Variants in NEXMIF observed in about 807,000 individuals in gnomAD.
NEXMIF encodes the protein XLMR protein related to neurite extension.
Under a neutral mutation model 62.1 loss-of-function variants are expected in NEXMIF, and 8 were observed. The observed-to-expected ratio is 0.13, with a 90% CI of 0.08 to 0.23. The LOEUF (loss-of-function observed/expected upper bound fraction) is 0.23. NEXMIF is among the 10% of genes least tolerant of loss of function. The pLI is 1.00. For missense variants in NEXMIF, 976 were observed against 1,113.3 expected, an observed-to-expected ratio of 0.88 and a Z score of 1.75; for synonymous variants, 404 against 416.6, an observed-to-expected ratio of 0.97 and a Z score of 0.37.
At chrX:74,793,399 G>T (rs2080292964) in intron 1 of NEXMIF, among the ~76,000 whole-genome samples, 1 of 108,151 alleles carries the variant, frequency 9.2e-6, no homozygotes, top group African/African-American at 3.4e-5. Context: ...CTCTCTGGCT[G>T]CCCTTAACAT....
chrX:74,882,853 G>C (rs2080671880), intron 1 of NEXMIF, among the ~76,000 whole-genome samples: 1 of 112,448 alleles, frequency 8.9e-6, no homozygotes, highest in Non-Finnish European at 1.9e-5. Flanking sequence ...GCCTCCTCAA[G>C]TGGGTCCCTG....
At chrX:74,873,137 C>T (rs974979626) in intron 1 of NEXMIF, among the ~76,000 whole-genome samples, 5 of 110,243 alleles carry the variant, frequency 4.5e-5, no homozygotes, top group African/African-American at 1.7e-4. Flanking sequence ...CTATCCCTCC[C>T]CCATCCCCCA....
At chrX:74,823,045 A>G (rs1431417986) in intron 1 of NEXMIF, among the ~76,000 whole-genome samples, 4 of 112,237 alleles carry the variant, frequency 3.6e-5, no homozygotes, top group African/African-American at 9.7e-5. Context: ...TACACACTAT[A>G]ACATAGGTGA....
rs189899110 is a variant in NEXMIF at position 74,860,890 on chromosome X, G to C, written c.-48+63993C>G. ...AAAATTAGTAGAAGAAAAGAAATAA[G>C]AAAGATCAGAGCAGAAACAAATGAA... On this transcript the variant is annotated intron_variant, in intron 1 of 3. Coordinates refer to ENST00000055682, the MANE Select transcript of NEXMIF (RefSeq NM_001008537.3). Among the ~76,000 whole-genome samples the C allele has an allele frequency of 3.5e-3, 387 of 111,032 alleles. 2 individuals carry two copies. Among genetic ancestry groups the C allele is most frequent in the African/African-American group, 0.012 (369 of 30,746 alleles).
At chrX:74,826,498 T>C (rs550143585) in intron 1 of NEXMIF, among the ~76,000 whole-genome samples, 3 of 112,290 alleles carry the variant, frequency 2.7e-5, no homozygotes, top group African/African-American at 9.7e-5. Context: ...GAGTTCCTTA[T>C]ATATTTTGGA....
At chrX:74,761,449 G>T (rs150559855) in intron 1 of NEXMIF, among the ~76,000 whole-genome samples, 1,781 of 110,822 alleles carry the variant, frequency 0.016, 19 homozygotes, top group Non-Finnish European at 0.024. Context: ...TTCAGTCTTG[G>T]GAGAATGTAT....
chrX:74,856,657 T>C (rs2080536124), intron 1 of NEXMIF, among the ~76,000 whole-genome samples: 1 of 111,022 alleles, frequency 9.0e-6, no homozygotes, highest in Admixed American at 9.6e-5. Flanking sequence ...ACACCAAAAC[T>C]GACAACTATC....
intron 1 of NEXMIF, among the ~76,000 whole-genome samples, chrX:74,875,509 A>G (rs2080627270): frequency 8.9e-6 from 1 of 112,102 alleles, no homozygotes; most frequent in African/African-American, 3.2e-5. Flanking sequence ...CTGGCCTCAT[A>G]AAATGAGTTA....
At chrX:74,856,180 C>CTAAAGTAGGAAAACAA (rs1278221728) in intron 1 of NEXMIF, among the ~76,000 whole-genome samples, 1 of 111,626 alleles carries the variant, frequency 9.0e-6, no homozygotes, top group Admixed American at 9.5e-5. Flanking sequence ...GTCTAAAGAA[C>CTAAAGTAGGAAAACAA]TAAAGTAGGA....
chrX:74,820,333 A>T (rs1383418339), intron 1 of NEXMIF, among the ~76,000 whole-genome samples: 1 of 108,227 alleles, frequency 9.2e-6, no homozygotes, highest in Non-Finnish European at 1.9e-5. Context: ...CTTAAAGTAT[A>T]ATAATAATAA....
chrX:74,765,871 C>CAAA (rs755196904), intron 1 of NEXMIF, among the ~76,000 whole-genome samples: 5 of 28,963 alleles, frequency 1.7e-4, no homozygotes, highest in Non-Finnish European at 2.8e-4. Flanking sequence ...ACTGAAAATA[C>CAAA]AAAAAAAAAA....
chrX:74,853,046 G>T (rs1177058843), intron 1 of NEXMIF, among the ~76,000 whole-genome samples: 8 of 111,166 alleles, frequency 7.2e-5, no homozygotes, highest in Non-Finnish European at 1.5e-4. Flanking sequence ...TAAACTGCTA[G>T]TGAAATGGCT....
chrX:74,771,964 T>C (rs2080211601), intron 1 of NEXMIF, among the ~76,000 whole-genome samples: 1 of 111,166 alleles, frequency 9.0e-6, no homozygotes, highest in African/African-American at 3.3e-5. Flanking sequence ...ACTCTTAAAT[T>C]GTGAAGTGGA....
chrX:74,744,911 C>CTCT (rs769208368), intron 2 of NEXMIF, among the ~76,000 whole-genome samples: 140 of 61,585 alleles, frequency 2.3e-3, no homozygotes, highest in East Asian at 0.018. Context: ...CTCTCTCTCT[C>CTCT]TCTCTCTCTT....
At chrX:74,745,838 G>A in intron 1 of NEXMIF, 141 bp from the exon 2 acceptor site, 1 of 411,244 alleles carries the variant, frequency 2.4e-6, no homozygotes, top group South Asian at 4.2e-5. Flanking sequence ...TATTGTTTTT[G>A]TTTCACAATT....
In NEXMIF at chrX:74,740,561, T is replaced by C. The variant is rs1204092936; in HGVS notation, c.3996A>G (p.Arg1332=). ...NIASGMADVQ[R]FMMASIEPLW... ...GGGGCTCTATGGAGGCCATCATGAA[T>C]CTCTGCACATCTGCCATACCAGAGG... Residue 1332 remains arginine, a synonymous_variant, in exon 3 of 4, where the codon AGA becomes AGG. Transcript: ENST00000055682. 4.1e-6 allele frequency: 5 copies of C among 1,211,735 alleles called. No homozygotes were observed. In the South Asian group the frequency reaches 8.8e-5, roughly 21 times the overall value.
intron 1 of NEXMIF, among the ~76,000 whole-genome samples, chrX:74,787,386 G>A (rs16991813): frequency 0.06 from 6,669 of 111,012 alleles, 245 homozygotes; most frequent in African/African-American, 0.14. Flanking sequence ...TGCACTCTCC[G>A]TGACCAGTAA....
At chrX:74,809,582 C>G (rs2080354722) in intron 1 of NEXMIF, among the ~76,000 whole-genome samples, 1 of 111,642 alleles carries the variant, frequency 9.0e-6, no homozygotes, top group South Asian at 3.8e-4. Flanking sequence ...AATTTTGGGC[C>G]AATGTTGGCC....
At chrX:74,783,781 A>G (rs2080253160) in intron 1 of NEXMIF, among the ~76,000 whole-genome samples, 1 of 111,771 alleles carries the variant, frequency 8.9e-6, no homozygotes, top group South Asian at 3.7e-4. Context: ...CTCCATTACC[A>G]AAGTTCCATC....
Sources: allele counts gnomAD v4.1 joint callset (sites outside exome capture counted in the v4.1 genomes callset), GRCh38; gene constraint gnomAD v4.1.1; transcripts MANE v1.5; gene names NCBI Gene and HGNC (gene_info 2026-07-23, HGNC 2026-07-21).